BMPER: variants seen among roughly 807,000 people sequenced by gnomAD.
BMPER encodes BMP binding endothelial regulator, also known as BMP-binding endothelial regulator protein.
A neutral mutation model predicts 87.3 loss-of-function variants in BMPER; 45 were observed. The ratio of observed to expected loss-of-function variants is 0.52; its 90% CI spans 0.41 to 0.66. BMPER has a LOEUF of 0.66. BMPER is among the 30% of genes least tolerant of loss of function. The pLI is 0.00. For missense variants in BMPER, 784 were observed against 867.5 expected (o/e 0.90, Z 1.21); for synonymous variants, 326 against 316.2 (o/e 1.03, Z -0.33).
intron 6 of BMPER, among the ~76,000 whole-genome samples, chr7:34,011,891 A>G (rs1484135250): frequency 6.6e-6 from 1 of 151,816 alleles, no homozygotes; most frequent in Non-Finnish European, 1.5e-5. Flanking sequence ...GGGTGAACCC[A>G]TTTTCCGAAA....
At position 33,969,037 on chromosome 7, in the gene BMPER, C is replaced by T. The variant is rs976154770; in HGVS notation, c.403-1292C>T. On this transcript the variant is annotated intron_variant, in intron 4 of 14. Transcript: ENST00000649409. ...AGTACTTTAGTTGTTTTATTCTTTCCCATGTGATTTAAGCCATAACCAATT... is the reference window on the plus strand; with the variant it reads ...AGTACTTTAGTTGTTTTATTCTTTCTCATGTGATTTAAGCCATAACCAATT... Among the ~76,000 whole-genome samples the T allele has an allele frequency of 2.0e-5, 3 of 152,202 alleles. No homozygotes were observed. In the South Asian group the frequency reaches 6.2e-4, roughly 32 times the overall value.
intron 2 of BMPER, 95 bp downstream of exon 2, chr7:33,906,998 C>A: frequency 1.7e-6 from 2 of 1,210,878 alleles, no homozygotes; most frequent in Non-Finnish European, 2.4e-6. Flanking sequence ...TACAAATTGT[C>A]TTTATCATTA....
rs146673196 is a variant in BMPER at position 34,123,325 on chromosome 7, G to A, written c.1746-19905G>A. The stretch of plus-strand genomic sequence containing the variant: ...TGCTATCTTTTAGCACTAAGATTAC[G>A]TCCTTGTTAGCTGTGTTCAATTGGA... On this transcript the variant is annotated intron_variant, in intron 13 of 14. Coordinates refer to ENST00000649409, the MANE Select transcript of BMPER (RefSeq NM_001365308.1). 2.1e-4 allele frequency among the ~76,000 whole-genome samples: 32 copies of A among 152,264 alleles called. No individual in the cohort carries two copies. In the East Asian group the frequency reaches 5.0e-3, roughly 24 times the overall value.
rs1788254339 is a variant in BMPER at position 34,055,316 on chromosome 7, A to G, written c.927+13A>G. The G allele has an allele frequency of 1.2e-6, 2 of 1,613,724 alleles. No homozygotes were observed. Among genetic ancestry groups the G allele is most frequent in the African/African-American group, 2.7e-5 (2 of 74,928 alleles). On this transcript the variant is annotated intron_variant, in intron 9 of 14. Transcript: ENST00000649409. ...CAAGATTTTCCAGGTATGTCATGAG[A>G]CAAGCACATGGGAACTCCTGTATTA...
chr7:34,016,028 G>A (rs1369994114), intron 6 of BMPER, among the ~76,000 whole-genome samples: 2 of 151,588 alleles, frequency 1.3e-5, no homozygotes, highest in African/African-American at 4.9e-5. Flanking sequence ...GAGAGAGAGA[G>A]ACTGAGAGAG....
At chr7:34,075,394 C>G (rs757183197) in intron 11 of BMPER, among the ~76,000 whole-genome samples, 17 of 152,104 alleles carry the variant, frequency 1.1e-4, no homozygotes, top group Non-Finnish European at 2.5e-4. Context: ...ACACATAATT[C>G]TATTACCTTA....
rs985721040 is a variant in BMPER, at chr7:34,071,255, T to A, written c.1079-7602T>A. ...TAGATAACTATTTGCTAGACTTGCA[T>A]AACATTTATAATAAGCAAATGAATA... On this transcript the variant is annotated intron_variant, in intron 11 of 14. Coordinates refer to ENST00000649409, the MANE Select transcript of BMPER (RefSeq NM_001365308.1). Among the ~76,000 whole-genome samples the A allele has an allele frequency of 9.2e-5, 14 of 152,238 alleles. No individual in the cohort carries two copies. In the South Asian group the frequency reaches 1.7e-3, roughly 18 times the overall value.
intron 14 of BMPER, among the ~76,000 whole-genome samples, chr7:34,146,182 C>G (rs1392227032): frequency 6.6e-6 from 1 of 152,150 alleles, no homozygotes; most frequent in Non-Finnish European, 1.5e-5. Context: ...ATACTGAACA[C>G]TATAAAAGCC....
intron 2 of BMPER, among the ~76,000 whole-genome samples, chr7:33,933,329 A>G (rs750825600): frequency 1.3e-5 from 2 of 152,222 alleles, no homozygotes; most frequent in Non-Finnish European, 2.9e-5. Flanking sequence ...TAATGCAGAC[A>G]GACGCCTTTG....
intron 2 of BMPER, among the ~76,000 whole-genome samples, chr7:33,911,075 C>G (rs986591619): frequency 2.0e-5 from 3 of 152,210 alleles, no homozygotes; most frequent in Admixed American, 2.0e-4. Context: ...TGCACAAATA[C>G]ATAGATTGCC....
At position 34,051,891 on chromosome 7, in the gene BMPER, G is replaced by A. The variant is rs966548072; in HGVS notation, c.707G>A (p.Gly236Glu). ...GQRKVFDLPF[G>E]SCLFRSDVYD... Reference sequence around the variant, plus strand: ...AGGAAAGTGTTTGACCTCCCTTTTGGGAGCTGCCTCTTTCGAAGTGATGTT... The same window carrying A: ...AGGAAAGTGTTTGACCTCCCTTTTGAGAGCTGCCTCTTTCGAAGTGATGTT... The change falls in exon 8 of 15, where the codon GGG (glycine) becomes GAG (glutamate). Residue 236 changes from glycine (G) to glutamate (E), a missense_variant. Gly to Glu is a moderately conservative substitution (Grantham distance 98). Transcript: ENST00000649409. The A allele has an allele frequency of 6.2e-7, 1 of 1,613,886 alleles. No individual in the cohort carries two copies. Among genetic ancestry groups the A allele is most frequent in the Non-Finnish European group, 8.5e-7 (1 of 1,179,812 alleles).
Position 33,920,508 on chromosome 7 carries a change from C to T in BMPER, c.219+13605C>T, listed in dbSNP as rs947434419. On this transcript the variant is annotated intron_variant, in intron 2 of 14. Transcript: ENST00000649409. ...TGGTGCGATCTCGGCTTACTGCAAC[C>T]TCCACCTCCTGGGTTCAAGTGATTC... 2.7e-5 allele frequency among the ~76,000 whole-genome samples: 4 copies of T among 146,564 alleles called. No homozygotes were observed. The Admixed American group carries it at 2.8e-4, about 10-fold the overall frequency.
intron 6 of BMPER, among the ~76,000 whole-genome samples, chr7:34,043,923 TTAGCCTATAGCA>T (rs1787894141): frequency 6.6e-6 from 1 of 152,214 alleles, no homozygotes; most frequent in African/African-American, 2.4e-5. Flanking sequence ...TTTTACTCTC[TTAGCCTATAGCA>T]TAGCCACAGA....
At chr7:34,076,577 G>A (rs1393734032) in intron 11 of BMPER, among the ~76,000 whole-genome samples, 1 of 152,038 alleles carries the variant, frequency 6.6e-6, no homozygotes, top group Non-Finnish European at 1.5e-5. Flanking sequence ...TTCATTTTAT[G>A]GATTGTATTA....
intron 13 of BMPER, among the ~76,000 whole-genome samples, chr7:34,136,459 T>A (rs1790721436): frequency 6.6e-6 from 1 of 152,138 alleles, no homozygotes; most frequent in Non-Finnish European, 1.5e-5. Context: ...TTAGGGAAAT[T>A]AGGGCAGGAT....
At chr7:34,052,659 CA>C (rs1297403203) in intron 8 of BMPER, among the ~76,000 whole-genome samples, 2 of 152,140 alleles carry the variant, frequency 1.3e-5, no homozygotes. Flanking sequence ...GTTTAGAATA[CA>C]CTTTGGTGGT....
rs143538327 is a variant in BMPER at position 34,119,127 on chromosome 7, A to G, written c.1746-24103A>G. On this transcript the variant is annotated intron_variant, in intron 13 of 14. Transcript: ENST00000649409. ...AAGAATTGAATAATGCAGTAAGTTC[A>G]GGAGAACTTTCTGGATGAATATATC... 2.0e-5 allele frequency among the ~76,000 whole-genome samples: 3 copies of G among 152,254 alleles called. No individual in the cohort carries two copies. In the East Asian group the frequency reaches 5.8e-4, roughly 29 times the overall value.
rs192872044 is a variant in BMPER at position 34,088,837 on chromosome 7, G to A, written c.1745+2745G>A. Among the ~76,000 whole-genome samples the A allele has an allele frequency of 4.7e-3, 713 of 152,168 alleles. 5 individuals are homozygous for A. The highest frequency in any genetic ancestry group is 0.021 in the South Asian group (101 of 4,810). ...CCACATTTTCTCCTGATGTCATCAC[G>A]GAGGACTGATTACATAAACTCCCCC... On this transcript the variant is annotated intron_variant, in intron 13 of 14. Transcript: ENST00000649409.
In BMPER at chr7:34,078,985, G is replaced by A. The variant is rs371160820; in HGVS notation, c.1207G>A (p.Val403Met). ...DCSSPASPFQ[V>M]LVKNDARRTR... ...CTCCTCCCCTGCCTCGCCCTTCCAG[G>A]TGCTGGTGAAGAACGACGCCCGCCG... is the stretch of plus-strand genomic sequence containing the variant. Residue 403 changes from valine (V) to methionine (M), a missense_variant, in exon 12 of 15, where the codon GTG becomes ATG. Coordinates refer to ENST00000649409, the MANE Select transcript of BMPER (RefSeq NM_001365308.1). 28 of 1,614,070 alleles carry A rather than the reference G, an allele frequency of 1.7e-5. No individual in the cohort carries two copies. Among genetic ancestry groups the A allele is most frequent in the Non-Finnish European group, 2.3e-5 (27 of 1,180,044 alleles).
Sources: allele counts gnomAD v4.1 joint callset (sites outside exome capture counted in the v4.1 genomes callset), GRCh38; gene constraint gnomAD v4.1.1; transcripts MANE v1.5; gene names NCBI Gene and HGNC (gene_info 2026-07-23, HGNC 2026-07-21).